The following TBC1D32 variants were observed in gnomAD, a reference collection of about 807,000 sequenced individuals.
TBC1D32 encodes the protein TBC1 domain family member 32.
A neutral mutation model predicts 170.3 loss-of-function variants in TBC1D32; 151 were observed. The observed-to-expected ratio is 0.89, with a 90% CI of 0.78 to 1.01. TBC1D32 has a LOEUF of 1.01. Among genes scored for constraint, TBC1D32 ranks in the 50% least tolerant of loss-of-function variants. The pLI, the probability that TBC1D32 is intolerant of heterozygous loss-of-function variation, is 0.00. For synonymous variants in TBC1D32, 498 were observed against 488.0 expected (o/e 1.02, Z -0.27); for missense variants, 1,464 against 1,457.1 (o/e 1.00, Z -0.08).
At chr6:121,117,157 T>C (rs369919696) in intron 26 of TBC1D32, among the ~76,000 whole-genome samples, 7 of 152,210 alleles carry the variant, frequency 4.6e-5, no homozygotes, top group African/African-American at 1.2e-4. Flanking sequence ...TGGACAGTTA[T>C]ACAACACTAT....
intron 21 of TBC1D32, among the ~76,000 whole-genome samples, chr6:121,213,580 C>T (rs1247996796): frequency 6.8e-6 from 1 of 146,344 alleles, no homozygotes; most frequent in African/African-American, 2.5e-5. Context: ...CCTAGGAATA[C>T]AGCAAACCAG....
chr6:121,213,524 T>TAAATAAAATAAAATAAAATAAAATA lies in TBC1D32; in HGVS notation c.2482-8386_2482-8362dup, dbSNP rs1554271961. Among the ~76,000 whole-genome samples the TAAATAAAATAAAATAAAATAAAATA allele has an allele frequency of 6.7e-3, 210 of 31,126 alleles. 2 individuals are homozygous for TAAATAAAATAAAATAAAATAAAATA. The highest frequency in any genetic ancestry group is 0.019 in the Middle Eastern group (1 of 52). The allele number at this position is 31,126 out of a possible 152,430, so 20.4% of individuals were successfully genotyped here. ...TAAAATAAAATAAAATAAAATAAAA[T>TAAATAAAATAAAATAAAATAAAATA]AAATAAAATAAAATAAAATAAAATA... On this transcript the variant is annotated intron_variant, in intron 21 of 31. Coordinates refer to ENST00000398212, the MANE Select transcript of TBC1D32 (RefSeq NM_152730.6).
intron 20 of TBC1D32, among the ~76,000 whole-genome samples, chr6:121,234,740 G>A (rs1796132029): frequency 6.6e-6 from 1 of 151,986 alleles, no homozygotes; most frequent in Non-Finnish European, 1.5e-5. Flanking sequence ...TCTTGGTTTG[G>A]ATCTATTGCT....
chr6:121,319,769 A>G (rs1809439992), intron 2 of TBC1D32, among the ~76,000 whole-genome samples: 1 of 152,172 alleles, frequency 6.6e-6, no homozygotes, highest in African/African-American at 2.4e-5. Flanking sequence ...AGTAGCTAAT[A>G]ATTCTACAAT....
chr6:121,213,484 TAAAATAAAATAAAATAAAATA>T (rs1562933045), intron 21 of TBC1D32, among the ~76,000 whole-genome samples: 139 of 7,874 alleles, frequency 0.018, 6 homozygotes, highest in African/African-American at 0.021. Flanking sequence ...TAAAATAAAA[TAAAATAAAATAAAATAAAATA>T]AAATAAAATA....
chr6:121,090,863 A>C lies in TBC1D32; in HGVS notation c.3644T>G (p.Val1215Gly). Residue 1215 changes from valine (V) to glycine (G), a missense_variant, in exon 31 of 32, where the codon GTT becomes GGT. By Grantham distance (109) the Val-to-Gly change is moderately radical (BLOSUM62 -3). Around this residue, in one of 3 missense-constraint regions of TBC1D32, gnomAD observed 97 missense variants for 102.0 expected, o/e 0.95. Coordinates refer to ENST00000398212, the MANE Select transcript of TBC1D32 (RefSeq NM_152730.6). ...LQHTQTQDLQ[V>G]FLKEEALHGF... ...TATAAACATACTTACTTTTAGGAAA[A>C]CTTGCAGATCTTGAGTCTGAGTGTG... is the stretch of plus-strand genomic sequence containing the variant. 1 of 1,608,940 alleles carries C rather than the reference A, an allele frequency of 6.2e-7. No individual in the cohort carries two copies. Among genetic ancestry groups the C allele is most frequent in the Non-Finnish European group, 8.5e-7 (1 of 1,178,724 alleles).
chr6:121,101,314 T>A (rs1215914062), intron 30 of TBC1D32, among the ~76,000 whole-genome samples: 3 of 152,072 alleles, frequency 2.0e-5, no homozygotes, highest in Non-Finnish European at 4.4e-5. Context: ...ATATCCCTGA[T>A]GAACATGGAT....
intron 20 of TBC1D32, among the ~76,000 whole-genome samples, chr6:121,229,718 A>G (rs1419334783): frequency 6.6e-6 from 1 of 152,164 alleles, no homozygotes; most frequent in African/African-American, 2.4e-5. Flanking sequence ...TAATTCATGA[A>G]AAAGAGGCAC....
intron 20 of TBC1D32, among the ~76,000 whole-genome samples, chr6:121,226,313 GGGGGGATATAAGGATGAC>G (rs1300004046): frequency 2.8e-4 from 42 of 152,228 alleles, no homozygotes; most frequent in Admixed American, 1.7e-3. Context: ...GGAGAGCAAT[GGGGGGATATAAGGATGAC>G]ACTCTTCAGC....
intron 21 of TBC1D32, among the ~76,000 whole-genome samples, chr6:121,206,632 T>A (rs1321116580): frequency 6.6e-6 from 1 of 152,224 alleles, no homozygotes; most frequent in Non-Finnish European, 1.5e-5. Flanking sequence ...TAAAAATTTG[T>A]ACCCAACATA....
intron 10 of TBC1D32, 112 bp downstream of exon 10, chr6:121,299,334 C>T (rs1806113596): frequency 1.6e-6 from 2 of 1,219,420 alleles, no homozygotes; most frequent in Non-Finnish European, 2.2e-6. Flanking sequence ...AGGCGAATTG[C>T]TTCATTATCC....
chr6:121,149,383 G>A (rs916184182), intron 24 of TBC1D32, among the ~76,000 whole-genome samples: 24 of 152,008 alleles, frequency 1.6e-4, no homozygotes, highest in African/African-American at 4.6e-4. Flanking sequence ...GGGTCTTTAC[G>A]GTTTTAAGTC....
At chr6:121,234,874 C>T (rs961404256) in intron 20 of TBC1D32, among the ~76,000 whole-genome samples, 4 of 152,110 alleles carry the variant, frequency 2.6e-5, no homozygotes, top group African/African-American at 7.2e-5. Context: ...GATTCAAGGG[C>T]TGCTGTTCAG....
chr6:121,216,336 C>G (rs185990559), intron 21 of TBC1D32, among the ~76,000 whole-genome samples: 1 of 152,238 alleles, frequency 6.6e-6, no homozygotes, highest in African/African-American at 2.4e-5. Context: ...TGAAGGCAGC[C>G]TATTGTGCCT....
chr6:121,213,020 C>T (rs914024519), intron 21 of TBC1D32, among the ~76,000 whole-genome samples: 1 of 152,136 alleles, frequency 6.6e-6, no homozygotes, highest in African/African-American at 2.4e-5. Context: ...TAAAAACTCT[C>T]AATAAACTAG....
In TBC1D32 at chr6:121,113,061, T is replaced by C. The variant is rs1026692371; in HGVS notation, c.3169+1A>G. 6.2e-7 allele frequency: 1 copy of C among 1,601,578 alleles called. No homozygotes were observed. ...ATTGTGAATATACTCAAAAAGGATATGAAGAGAAGATTTTATGGAAGTTTG... is the reference window on the plus strand; with the variant it reads ...ATTGTGAATATACTCAAAAAGGATACGAAGAGAAGATTTTATGGAAGTTTG... On this transcript the variant is annotated splice_donor_variant, in intron 28 of 31. Coordinates refer to ENST00000398212, the MANE Select transcript of TBC1D32 (RefSeq NM_152730.6). LOFTEE classifies it high-confidence loss of function.
intron 1 of TBC1D32, among the ~76,000 whole-genome samples, chr6:121,327,577 G>A (rs1381362718): frequency 6.6e-6 from 1 of 152,178 alleles, no homozygotes; most frequent in Non-Finnish European, 1.5e-5. Context: ...AAACTCAGAT[G>A]CTACAGAGGG....
intron 24 of TBC1D32, among the ~76,000 whole-genome samples, chr6:121,139,512 C>G (rs1266400123): frequency 1.3e-5 from 2 of 151,960 alleles, no homozygotes; most frequent in Non-Finnish European, 2.9e-5. Flanking sequence ...CAGAAAGTAT[C>G]AGCAAGAATC....
intron 21 of TBC1D32, among the ~76,000 whole-genome samples, chr6:121,209,464 T>C (rs1217092539): frequency 6.6e-6 from 1 of 152,190 alleles, no homozygotes; most frequent in African/African-American, 2.4e-5. Flanking sequence ...TCATACACTT[T>C]GACCAATACT....
Sources: gnomAD v4.1 joint callset for allele counts (sites outside exome capture counted in the v4.1 genomes callset) on GRCh38, gnomAD v4.1.1 for gene constraint, gnomAD v4.1.1 regional missense constraint, MANE v1.5 for transcripts, NCBI Gene and HGNC (gene_info 2026-07-23, HGNC 2026-07-21) for gene names.